GRIK2: variants seen among roughly 807,000 people sequenced by gnomAD.
GRIK2 encodes the protein glutamate ionotropic receptor kainate type subunit 2, also known as glutamate receptor ionotropic, kainate 2.
In GRIK2, 32 loss-of-function variants were observed where a neutral mutation model predicts 100.3. The ratio of observed to expected loss-of-function variants is 0.32; its 90% CI spans 0.24 to 0.43. The LOEUF is 0.43. Ranked by LOEUF, GRIK2 falls within the 20% of genes least tolerant of loss-of-function variation. The pLI, the probability that GRIK2 is intolerant of heterozygous loss-of-function variation, is 1.00. For synonymous variants in GRIK2, 417 were observed against 389.4 expected, an observed-to-expected ratio of 1.07 and a Z score of -0.83; for missense variants, 843 against 1,114.9, an observed-to-expected ratio of 0.76 and a Z score of 3.47.
chr6:101,632,047 C>T, intron 4 of GRIK2, among the ~76,000 whole-genome samples: 1 of 152,098 alleles, frequency 6.6e-6, no homozygotes, highest in East Asian at 1.9e-4. Flanking sequence ...CTTCTGTTTA[C>T]CTGGGAAGCT....
chr6:101,700,156 C>CA (rs1395813971), intron 7 of GRIK2, among the ~76,000 whole-genome samples: 1 of 127,782 alleles, frequency 7.8e-6, no homozygotes, highest in African/African-American at 5.1e-5. Context: ...TCTCACAAAA[C>CA]AAACAAACAA....
intron 7 of GRIK2, among the ~76,000 whole-genome samples, chr6:101,687,392 C>A (rs1357514280): frequency 1.3e-5 from 2 of 151,894 alleles, no homozygotes; most frequent in Non-Finnish European, 2.9e-5. Flanking sequence ...AAATTACCAT[C>A]TGCTTTTAAT....
chr6:101,608,656 C>T (rs1582817758), intron 2 of GRIK2, among the ~76,000 whole-genome samples: 1 of 151,960 alleles, frequency 6.6e-6, no homozygotes, highest in East Asian at 2.0e-4. Context: ...AGGTTATAGA[C>T]TAATAATTCT....
intron 7 of GRIK2, among the ~76,000 whole-genome samples, chr6:101,788,608 C>T (rs142945528): frequency 0.026 from 3,913 of 152,216 alleles, 174 homozygotes; most frequent in African/African-American, 0.089. Flanking sequence ...TCGGGTCTAT[C>T]ATTGTTGGAC....
intron 16 of GRIK2, chr6:102,065,744 G>A: frequency 8.2e-7 from 1 of 1,214,644 alleles, no homozygotes. Flanking sequence ...ACGGGATCAA[G>A]TTTTGACCAT....
At chr6:101,481,353 T>C (rs1772520257) in intron 2 of GRIK2, among the ~76,000 whole-genome samples, 1 of 152,108 alleles carries the variant, frequency 6.6e-6, no homozygotes, top group South Asian at 2.1e-4. Context: ...ATAATTAGAG[T>C]GACCATTATC....
intron 10 of GRIK2, among the ~76,000 whole-genome samples, chr6:101,841,561 G>T (rs1251330101): frequency 6.6e-6 from 1 of 151,750 alleles, no homozygotes; most frequent in Non-Finnish European, 1.5e-5. Flanking sequence ...ATGGGGGTTT[G>T]CCATGTTGGC....
chr6:101,454,320 C>A (rs975918549), intron 2 of GRIK2, among the ~76,000 whole-genome samples: 1 of 152,148 alleles, frequency 6.6e-6, no homozygotes, highest in East Asian at 1.9e-4. Context: ...TCTAGTGATA[C>A]TAGAATGATC....
intron 7 of GRIK2, among the ~76,000 whole-genome samples, chr6:101,759,001 G>A (rs1049212844): frequency 5.3e-5 from 8 of 152,036 alleles, no homozygotes; most frequent in Admixed American, 5.2e-4. Flanking sequence ...TGCATTCAGG[G>A]AAAAAGGACC....
chr6:101,994,437 T>C lies in GRIK2; in HGVS notation c.2086-40904T>C, dbSNP rs372987389. Among the ~76,000 whole-genome samples the C allele has an allele frequency of 3.9e-5, 6 of 152,006 alleles. 1 individual carries two copies. Among genetic ancestry groups the C allele is most frequent in the African/African-American group, 1.4e-4 (6 of 41,544 alleles). On this transcript the variant is annotated intron_variant, in intron 14 of 16. Transcript: ENST00000369134. ...AATAGTGAATAATTTGTTTTTCTCT[T>C]GCTCCTGAATTATAAAAATTATGGT...
intron 14 of GRIK2, among the ~76,000 whole-genome samples, chr6:101,979,117 T>C (rs184429302): frequency 4.3e-4 from 65 of 152,032 alleles, no homozygotes; most frequent in Admixed American, 9.2e-4. Flanking sequence ...CCAAATTCAG[T>C]TAATATGATA....
At chr6:101,671,285 A>G (rs1018219949) in intron 4 of GRIK2, among the ~76,000 whole-genome samples, 13 of 152,296 alleles carry the variant, frequency 8.5e-5, no homozygotes, top group Non-Finnish European at 1.8e-4. Flanking sequence ...CATATTAGCA[A>G]TAAAAATTGG....
intron 2 of GRIK2, among the ~76,000 whole-genome samples, chr6:101,570,453 C>T (rs1777477905): frequency 6.6e-6 from 1 of 152,024 alleles, no homozygotes; most frequent in Non-Finnish European, 1.5e-5. Flanking sequence ...TCCTATCTTT[C>T]TTCCTTTCTT....
chr6:101,924,810 G>A (rs1789781362), intron 13 of GRIK2, 91 bp downstream of exon 13: 3 of 786,856 alleles, frequency 3.8e-6, no homozygotes, highest in Non-Finnish European at 6.8e-6. Flanking sequence ...CGCTTGCATG[G>A]GTGCCTCTGT....
intron 9 of GRIK2, among the ~76,000 whole-genome samples, chr6:101,808,457 T>A (rs1781133793): frequency 6.6e-6 from 1 of 152,036 alleles, no homozygotes; most frequent in African/African-American, 2.4e-5. Context: ...ACTTCGTGTG[T>A]TTTCCAAGAG....
chr6:101,436,288 G>T (rs969802138), intron 2 of GRIK2, among the ~76,000 whole-genome samples: 2 of 152,016 alleles, frequency 1.3e-5, no homozygotes, highest in Non-Finnish European at 2.9e-5. Flanking sequence ...AGAGGTTCAT[G>T]TATATTTTAT....
In GRIK2 at chr6:101,635,452, T is replaced by G. The variant is rs552906134; in HGVS notation, c.541+8815T>G. On this transcript the variant is annotated intron_variant, in intron 4 of 16. Coordinates refer to ENST00000369134, the MANE Select transcript of GRIK2 (RefSeq NM_021956.5). Reference sequence around the variant, plus strand: ...TTCAGGACATAGGCATGGGCAAAGATTTCATGACTAAAACACCAAAAGCAA... The same window carrying G: ...TTCAGGACATAGGCATGGGCAAAGAGTTCATGACTAAAACACCAAAAGCAA... Among the ~76,000 whole-genome samples the G allele has an allele frequency of 9.7e-4, 148 of 152,012 alleles. 1 individual carries two copies. Among genetic ancestry groups the G allele is most frequent in the African/African-American group, 3.1e-3 (129 of 41,490 alleles).
intron 12 of GRIK2, among the ~76,000 whole-genome samples, chr6:101,900,338 C>A (rs892136074): frequency 6.6e-6 from 1 of 152,048 alleles, no homozygotes; most frequent in Admixed American, 6.6e-5. Flanking sequence ...GTGGCACATG[C>A]CTGTAATCCC....
intron 2 of GRIK2, among the ~76,000 whole-genome samples, chr6:101,592,573 G>T (rs944855167): frequency 2.6e-5 from 3 of 113,258 alleles, no homozygotes; most frequent in South Asian, 2.9e-4. Flanking sequence ...TCATGGGATA[G>T]AATTACTAAT....
Sources: allele counts gnomAD v4.1 joint callset (sites outside exome capture counted in the v4.1 genomes callset), GRCh38; gene constraint gnomAD v4.1.1; transcripts MANE v1.5; gene names NCBI Gene and HGNC (gene_info 2026-07-23, HGNC 2026-07-21).